Variants in LIFR observed in about 807,000 individuals in gnomAD.
LIFR encodes LIF receptor subunit alpha, also known as leukemia inhibitory factor receptor.
In LIFR, 84 loss-of-function variants were observed where a neutral mutation model predicts 122.2. That is an observed-to-expected ratio of 0.69 (90% CI 0.58 to 0.82). LIFR has a LOEUF of 0.82. LIFR is among the 40% of genes least tolerant of loss of function. LIFR has a pLI of 0.00. For missense variants in LIFR, 1,294 were observed against 1,311.6 expected (o/e 0.99, Z 0.21); for synonymous variants, 422 against 434.7 (o/e 0.97, Z 0.36).
chr5:38,563,152 G>A (rs775758263), intron 1 of LIFR, among the ~76,000 whole-genome samples: 1 of 152,122 alleles, frequency 6.6e-6, no homozygotes, highest in Non-Finnish European at 1.5e-5. Flanking sequence ...TCTGTGACAC[G>A]CCCAAGAAAT....
At chr5:38,592,187 A>C (rs1055731073) in intron 1 of LIFR, among the ~76,000 whole-genome samples, 1 of 152,184 alleles carries the variant, frequency 6.6e-6, no homozygotes, top group Non-Finnish European at 1.5e-5. Flanking sequence ...ATGGCCTTGT[A>C]GTTTTTGCCA....
chr5:38,502,868 C>T, intron 10 of LIFR, 69 bp from the exon 11 acceptor site: 1 of 828,000 alleles, frequency 1.2e-6, no homozygotes, highest in Non-Finnish European at 1.8e-6. Context: ...TATATACATA[C>T]ACATACATAC....
At chr5:38,582,859 A>T (rs543428987) in intron 1 of LIFR, among the ~76,000 whole-genome samples, 15 of 152,150 alleles carry the variant, frequency 9.9e-5, no homozygotes, top group Non-Finnish European at 1.5e-4. Flanking sequence ...CTTCCTCAGC[A>T]CCCTTCAATC....
upstream of LIFR, among the ~76,000 whole-genome samples, chr5:38,596,920 A>G (rs529082029): frequency 6.6e-6 from 1 of 152,204 alleles, no homozygotes; most frequent in Non-Finnish European, 1.5e-5. Context: ...AAGAAAAAAA[A>G]AAAATGCTTC....
At chr5:38,543,744 A>T (rs954266140) in intron 1 of LIFR, among the ~76,000 whole-genome samples, 2 of 151,982 alleles carry the variant, frequency 1.3e-5, no homozygotes, top group African/African-American at 4.8e-5. Context: ...CTCTTTCTGT[A>T]CTCTTAATAA....
chr5:38,518,463 T>C (rs1372511178), intron 5 of LIFR, among the ~76,000 whole-genome samples: 1 of 152,186 alleles, frequency 6.6e-6, no homozygotes, highest in Non-Finnish European at 1.5e-5. Context: ...ACATATACCA[T>C]GGTGATCCTA....
At chr5:38,585,574 A>G (rs1749720537) in intron 1 of LIFR, among the ~76,000 whole-genome samples, 1 of 152,158 alleles carries the variant, frequency 6.6e-6, no homozygotes, top group Non-Finnish European at 1.5e-5. Context: ...AATAAAATGG[A>G]ATGGGATTTT....
rs1370505297 is a variant in LIFR, at chr5:38,480,289, A to C, written c.*1306T>G. 1 of 227,488 alleles carries C rather than the reference A, an allele frequency of 4.4e-6. No homozygotes were observed. The highest frequency in any genetic ancestry group is 2.2e-5 in the African/African-American group (1 of 45,004). The allele number at this position is 227,488 out of a possible 1,614,324, so 14.1% of individuals were successfully genotyped here. On this transcript the variant is annotated 3_prime_UTR_variant, in exon 20 of 20. Coordinates refer to ENST00000453190, the MANE Select transcript of LIFR (RefSeq NM_001127671.2). ...TTCCTTCTGCTTTTCCAAGAACCAC[A>C]ATCACTCCAGACATCGCTTATGAGA...
At chr5:38,523,277 T>G in intron 5 of LIFR, 142 bp downstream of exon 5, 1 of 650,548 alleles carries the variant, frequency 1.5e-6, no homozygotes. Flanking sequence ...AAATCATGCA[T>G]GATGTTTTTA....
Position 38,499,556 on chromosome 5 carries a change from C to A in LIFR, c.1628G>T (p.Arg543Ile), listed in dbSNP as rs764653648. The A allele has an allele frequency of 1.1e-5, 18 of 1,608,802 alleles. No homozygotes were observed. The highest frequency in any genetic ancestry group is 1.4e-5 in the Non-Finnish European group (16 of 1,175,164). Residue 543 changes from arginine (R) to isoleucine (I), a missense_variant, in exon 12 of 20, where the codon AGA becomes ATA. Arg to Ile is a moderately conservative substitution (Grantham distance 97). Transcript: ENST00000453190. ...ASPSKGPDTW[R>I]EWSSDGKNLI... is the part of the protein sequence containing the mutation. ...ATTTTTTCCATCAGAACTCCACTCT[C>A]TCCAAGTATCAGGCCCCTTTGAAGG...
chr5:38,504,502 C>G (rs914734321), intron 9 of LIFR, among the ~76,000 whole-genome samples: 3 of 150,630 alleles, frequency 2.0e-5, no homozygotes. Flanking sequence ...CAGATATTAA[C>G]CACTATGTAA....
At chr5:38,515,909 T>C (rs1476661268) in intron 5 of LIFR, among the ~76,000 whole-genome samples, 1 of 152,122 alleles carries the variant, frequency 6.6e-6, no homozygotes, top group Non-Finnish European at 1.5e-5. Flanking sequence ...GTGTTCTTGA[T>C]TTTTAAATTA....
chr5:38,553,679 G>C (rs1177639805), intron 1 of LIFR, among the ~76,000 whole-genome samples: 1 of 82,886 alleles, frequency 1.2e-5, no homozygotes, highest in Non-Finnish European at 2.6e-5. Context: ...TATATTATAT[G>C]TATGTATATA....
Position 38,492,085 on chromosome 5 carries a change from C to G in LIFR, c.2065+1521G>C, listed in dbSNP as rs527730425. Among the ~76,000 whole-genome samples, 103 of 152,320 alleles carry G rather than the reference C, an allele frequency of 6.8e-4. 2 individuals are homozygous for G. In the South Asian group the frequency reaches 0.019, roughly 28 times the overall value. ...TAAAAGGTGTGCCTACTATGTGCCACTTGCTGTTCCAGAAGCTCAGCAGTA... is the reference window on the plus strand; with the variant it reads ...TAAAAGGTGTGCCTACTATGTGCCAGTTGCTGTTCCAGAAGCTCAGCAGTA... On this transcript the variant is annotated intron_variant, in intron 14 of 19. Coordinates refer to ENST00000453190, the MANE Select transcript of LIFR (RefSeq NM_001127671.2).
intron 1 of LIFR, among the ~76,000 whole-genome samples, chr5:38,564,761 C>T (rs1167287349): frequency 6.6e-6 from 1 of 150,624 alleles, no homozygotes; most frequent in Non-Finnish European, 1.5e-5. Context: ...CACACACACA[C>T]ACACACACAC....
intron 1 of LIFR, among the ~76,000 whole-genome samples, chr5:38,582,145 C>T (rs946357180): frequency 6.6e-6 from 1 of 151,468 alleles, no homozygotes; most frequent in African/African-American, 2.4e-5. Context: ...ACTGCAGCCT[C>T]GAACTCCTGG....
intron 13 of LIFR, 46 bp from the exon 14 acceptor site, chr5:38,493,831 T>A: frequency 6.7e-7 from 1 of 1,490,992 alleles, no homozygotes; most frequent in African/African-American, 1.4e-5. Flanking sequence ...AAAACAATAA[T>A]ATAAGGCAAA....
intron 1 of LIFR, among the ~76,000 whole-genome samples, chr5:38,593,715 G>A (rs534077940): frequency 1.2e-4 from 18 of 152,296 alleles, no homozygotes; most frequent in African/African-American, 3.6e-4. Context: ...TTGGGGAAGT[G>A]ATTAGATTGT....
upstream of LIFR, among the ~76,000 whole-genome samples, chr5:38,599,434 T>C (rs1021761577): frequency 2.0e-5 from 3 of 152,148 alleles, no homozygotes; most frequent in African/African-American, 7.2e-5. Flanking sequence ...GTTTGAAGCA[T>C]AGACCTTGAG....
Sources: allele counts gnomAD v4.1 joint callset (sites outside exome capture counted in the v4.1 genomes callset), GRCh38; gene constraint gnomAD v4.1.1; transcripts MANE v1.5; gene names NCBI Gene and HGNC (gene_info 2026-07-23, HGNC 2026-07-21).